The following KIAA1217 variants were observed in gnomAD, a reference collection of about 807,000 sequenced individuals.
The protein encoded by KIAA1217 is sickle tail protein homolog.
KIAA1217 carries 88 observed loss-of-function variants against 163.9 expected under a neutral mutation model. The observed-to-expected ratio is 0.54, with a 90% CI of 0.45 to 0.64. The LOEUF (loss-of-function observed/expected upper bound fraction) is 0.64, where lower values mean the gene tolerates loss of function less well. KIAA1217 is among the 30% of genes least tolerant of loss of function. KIAA1217 has a pLI of 0.00. For missense variants in KIAA1217, 2,372 were observed against 2,475.0 expected (o/e 0.96, Z 0.88); for synonymous variants, 903 against 923.1 (o/e 0.98, Z 0.39).
intron 1 of KIAA1217, among the ~76,000 whole-genome samples, chr10:23,947,570 C>T (rs946258527): frequency 3.3e-5 from 5 of 152,172 alleles, no homozygotes; most frequent in Admixed American, 2.0e-4. Flanking sequence ...TCTCCTCTTT[C>T]TTTATTTCAA....
chr10:24,521,418 G>C (rs961354123), intron 11 of KIAA1217, among the ~76,000 whole-genome samples: 2 of 151,670 alleles, frequency 1.3e-5, no homozygotes, highest in African/African-American at 2.4e-5. Flanking sequence ...GAGGCAGGAG[G>C]ATCGCTTGAG....
chr10:24,382,017 CT>C (rs111726524), intron 3 of KIAA1217, among the ~76,000 whole-genome samples: 9,792 of 141,868 alleles, frequency 0.069, 717 homozygotes, highest in African/African-American at 0.18. Flanking sequence ...GTATCATTTC[CT>C]TTTTTTTTTT....
chr10:23,837,098 G>A (rs781154496), intron 1 of KIAA1217, among the ~76,000 whole-genome samples: 2 of 152,046 alleles, frequency 1.3e-5, no homozygotes, highest in Non-Finnish European at 2.9e-5. Flanking sequence ...CCTTATAAGC[G>A]AGAACATGCC....
At position 24,491,045 on chromosome 10, in the gene KIAA1217, G is replaced by A. The variant is rs117407675; in HGVS notation, c.1680-3455G>A. On this transcript the variant is annotated intron_variant, in intron 6 of 20. Coordinates refer to ENST00000376454, the MANE Select transcript of KIAA1217 (RefSeq NM_019590.5). ...TTAAAGAAGAATAGGATGTTGTTTG[G>A]GAGTTGTCTCTCTCTGCACCCTAAA... Among the ~76,000 whole-genome samples, 23 of 152,226 alleles carry A rather than the reference G, an allele frequency of 1.5e-4. No individual in the cohort carries two copies. The East Asian group carries it at 4.2e-3, about 28-fold the overall frequency.
In KIAA1217 at chr10:23,818,006, TATAC is replaced by T. The variant is rs1173537173; in HGVS notation, c.-321+122774_-321+122777del. 1.4e-3 allele frequency among the ~76,000 whole-genome samples: 131 copies of T among 96,906 alleles called. 2 individuals are homozygous for T. Among genetic ancestry groups the T allele is most frequent in the South Asian group, 4.8e-3 (14 of 2,916 alleles). The allele number at this position is 96,906 out of a possible 152,430, so 63.6% of individuals were successfully genotyped here. ...ATATATATATATATATATATATATA[TATAC>T]ACACATATATATACACACATATATA... On this transcript the variant is annotated intron_variant, in intron 1 of 18. Coordinates refer to the KIAA1217 transcript ENST00000376462.
intron 1 of KIAA1217, among the ~76,000 whole-genome samples, chr10:23,808,661 T>A (rs1041881519): frequency 1.3e-5 from 2 of 151,496 alleles, no homozygotes; most frequent in Non-Finnish European, 2.9e-5. Flanking sequence ...AGATGAAAAA[T>A]TTAAGAGAAG....
intron 1 of KIAA1217, among the ~76,000 whole-genome samples, chr10:23,839,825 C>T (rs1371786842): frequency 6.6e-6 from 1 of 152,030 alleles, no homozygotes; most frequent in Non-Finnish European, 1.5e-5. Flanking sequence ...GTCTTTGTAG[C>T]CCAGAAATAA....
intron 1 of KIAA1217, among the ~76,000 whole-genome samples, chr10:23,817,823 C>T (rs996605218): frequency 7.3e-5 from 11 of 150,972 alleles, no homozygotes; most frequent in Non-Finnish European, 1.6e-4. Context: ...GATGTGGTGG[C>T]TCATACTTGT....
intron 1 of KIAA1217, among the ~76,000 whole-genome samples, chr10:23,940,460 C>CAAAAAAAAAAAA (rs760090400): frequency 2.2e-5 from 1 of 46,030 alleles, no homozygotes; most frequent in Non-Finnish European, 4.8e-5. Context: ...GACTCCGTCT[C>CAAAAAAAAAAAA]AAAAAAAAAA....
At chr10:23,697,198 C>T (rs922459017) in intron 1 of KIAA1217, among the ~76,000 whole-genome samples, 2 of 152,142 alleles carry the variant, frequency 1.3e-5, no homozygotes, top group African/African-American at 4.8e-5. Context: ...TCTCATGTGG[C>T]TGTGTTGATA....
intron 5 of KIAA1217, among the ~76,000 whole-genome samples, chr10:24,446,463 G>A (rs531887303): frequency 6.6e-6 from 1 of 152,224 alleles, no homozygotes; most frequent in East Asian, 1.9e-4. Flanking sequence ...GTCTGCAGTG[G>A]CCACTGAACT....
chr10:23,741,386 CT>C (rs2130810897), intron 1 of KIAA1217, among the ~76,000 whole-genome samples: 1 of 152,162 alleles, frequency 6.6e-6, no homozygotes, highest in South Asian at 2.1e-4. Context: ...CTCTCTTTTC[CT>C]TATTTTTTTT....
At chr10:23,918,733 T>TACAC (rs1554823731) in intron 1 of KIAA1217, among the ~76,000 whole-genome samples, 1,557 of 147,548 alleles carry the variant, frequency 0.011, 18 homozygotes, top group East Asian at 0.027. Context: ...ATTAAATATA[T>TACAC]ACACACACAC....
intron 1 of KIAA1217, among the ~76,000 whole-genome samples, chr10:23,904,674 C>G (rs961021463): frequency 4.6e-5 from 7 of 152,084 alleles, no homozygotes; most frequent in African/African-American, 1.7e-4. Flanking sequence ...ATTTCATTGG[C>G]CCAAGCAAGT....
At chr10:24,208,376 T>G (rs887257736), upstream of KIAA1217, among the ~76,000 whole-genome samples, 10 of 27,364 alleles carry the variant, frequency 3.7e-4, no homozygotes, top group African/African-American at 7.9e-3. Flanking sequence ...AAGGGCTGGG[T>G]GTGTGTGTGT....
At chr10:24,329,188 A>G (rs1310554128) in intron 2 of KIAA1217, among the ~76,000 whole-genome samples, 1 of 147,946 alleles carries the variant, frequency 6.8e-6, no homozygotes, top group Non-Finnish European at 1.5e-5. Flanking sequence ...TGGTGTATAT[A>G]CATAGTATAT....
chr10:23,867,298 C>T (rs991914976), intron 1 of KIAA1217, among the ~76,000 whole-genome samples: 5 of 151,838 alleles, frequency 3.3e-5, no homozygotes, highest in African/African-American at 1.2e-4. Context: ...GTGAATAGTG[C>T]CGCAATAAAC....
chr10:23,968,143 T>C (rs1845150058), intron 1 of KIAA1217, among the ~76,000 whole-genome samples: 1 of 151,958 alleles, frequency 6.6e-6, no homozygotes, highest in Non-Finnish European at 1.5e-5. Flanking sequence ...AAAGTATGCA[T>C]ATGTGTGTGT....
intron 2 of KIAA1217, among the ~76,000 whole-genome samples, chr10:24,146,054 G>A (rs761031660): frequency 2.6e-5 from 4 of 152,142 alleles, no homozygotes; most frequent in Admixed American, 2.0e-4. Context: ...TAACCATCAC[G>A]CTGAGTAACC....
Sources: gnomAD v4.1 joint callset for allele counts (sites outside exome capture counted in the v4.1 genomes callset) on GRCh38, gnomAD v4.1.1 for gene constraint, MANE v1.5 for transcripts, NCBI Gene and HGNC (gene_info 2026-07-23, HGNC 2026-07-21) for gene names.